ZMAT4: variants seen among roughly 807,000 people sequenced by gnomAD.
ZMAT4 encodes the protein zinc finger matrin-type protein 4.
A neutral mutation model predicts 28.7 loss-of-function variants in ZMAT4; 17 were observed. The observed-to-expected ratio is 0.59, with a 90% confidence interval of 0.41 to 0.89. The LOEUF (loss-of-function observed/expected upper bound fraction) is 0.89. ZMAT4 is among the 40% of genes least tolerant of loss of function. ZMAT4 has a pLI of 0.00. For synonymous variants in ZMAT4, 117 were observed against 109.2 expected (o/e 1.07, Z -0.44); for missense variants, 240 against 283.8 (o/e 0.85, Z 1.11).
intron 3 of ZMAT4, among the ~76,000 whole-genome samples, chr8:40,751,651 G>A (rs990632427): frequency 1.2e-4 from 18 of 151,866 alleles, no homozygotes; most frequent in African/African-American, 4.1e-4. Flanking sequence ...CTGAACTAAC[G>A]GGCCTGATGT....
At chr8:40,754,930 G>T (rs1421396087) in intron 3 of ZMAT4, among the ~76,000 whole-genome samples, 1 of 152,100 alleles carries the variant, frequency 6.6e-6, no homozygotes, top group Non-Finnish European at 1.5e-5. Context: ...GACTCAGGTG[G>T]GAGGATCACT....
chr8:40,565,160 C>A (rs772632551), intron 6 of ZMAT4, among the ~76,000 whole-genome samples: 2 of 152,246 alleles, frequency 1.3e-5, no homozygotes, highest in East Asian at 3.9e-4. Flanking sequence ...AAGTTTTAAA[C>A]CCTGGTTTCT....
intron 3 of ZMAT4, among the ~76,000 whole-genome samples, chr8:40,756,245 A>C (rs914576138): frequency 1.3e-5 from 2 of 151,866 alleles, no homozygotes; most frequent in Admixed American, 1.3e-4. Flanking sequence ...AAAAGTCCAA[A>C]GTCTGTGTTC....
intron 5 of ZMAT4, among the ~76,000 whole-genome samples, chr8:40,598,241 G>C (rs1267525415): frequency 1.3e-5 from 2 of 152,174 alleles, no homozygotes; most frequent in East Asian, 3.9e-4. Flanking sequence ...TACATGTGCA[G>C]AATGTGCAGG....
At chr8:40,886,898 G>T (rs111343292) in intron 1 of ZMAT4, among the ~76,000 whole-genome samples, 1 of 152,150 alleles carries the variant, frequency 6.6e-6, no homozygotes, top group Non-Finnish European at 1.5e-5. Flanking sequence ...GAGGTAGGGC[G>T]CAGTGGCTCA....
intron 6 of ZMAT4, among the ~76,000 whole-genome samples, chr8:40,553,713 A>G (rs1803437705): frequency 6.6e-6 from 1 of 152,178 alleles, no homozygotes; most frequent in South Asian, 2.1e-4. Context: ...TAGATAATGA[A>G]TGATATGGAT....
intron 3 of ZMAT4, among the ~76,000 whole-genome samples, chr8:40,744,225 C>T (rs1468879682): frequency 6.6e-6 from 1 of 152,140 alleles, no homozygotes; most frequent in African/African-American, 2.4e-5. Context: ...CTTCACAGAT[C>T]ATGACTACTG....
intron 3 of ZMAT4, among the ~76,000 whole-genome samples, chr8:40,743,608 A>G (rs1812101529): frequency 6.6e-6 from 1 of 152,232 alleles, no homozygotes. Flanking sequence ...ACAGCGGACT[A>G]ATAGAATCCC....
intron 6 of ZMAT4, among the ~76,000 whole-genome samples, chr8:40,552,698 G>A (rs1803401735): frequency 6.6e-6 from 1 of 152,148 alleles, no homozygotes; most frequent in South Asian, 2.1e-4. Context: ...CCTATATTAA[G>A]TGTGTCATCA....
At chr8:40,801,354 A>ATATATATATATG (rs1185284604) in intron 2 of ZMAT4, among the ~76,000 whole-genome samples, 1,509 of 59,516 alleles carry the variant, frequency 0.025, 12 homozygotes, top group Middle Eastern at 0.09. Context: ...AAAAAAAAAT[A>ATATATATATATG]TATATATATA....
At chr8:40,606,830 G>A (rs1805607739) in intron 5 of ZMAT4, among the ~76,000 whole-genome samples, 1 of 152,130 alleles carries the variant, frequency 6.6e-6, no homozygotes, top group East Asian at 1.9e-4. Flanking sequence ...TCTTCATAGG[G>A]AACACCAATA....
chr8:40,688,380 C>T (rs1447905044), intron 4 of ZMAT4, among the ~76,000 whole-genome samples: 2 of 152,148 alleles, frequency 1.3e-5, no homozygotes, highest in African/African-American at 4.8e-5. Context: ...TGCTTGAACC[C>T]AGGAAGCAGA....
intron 2 of ZMAT4, among the ~76,000 whole-genome samples, chr8:40,790,961 G>C (rs766317312): frequency 6.6e-6 from 1 of 152,198 alleles, no homozygotes; most frequent in Non-Finnish European, 1.5e-5. Flanking sequence ...ACAGAACACA[G>C]TGGCCAGAAA....
chr8:40,857,398 G>A (rs1336967412), intron 1 of ZMAT4, among the ~76,000 whole-genome samples: 1 of 151,726 alleles, frequency 6.6e-6, no homozygotes, highest in African/African-American at 2.4e-5. Flanking sequence ...CAGAAAAGAT[G>A]GGTCTAAGAG....
At chr8:40,836,923 G>T (rs894180357) in intron 1 of ZMAT4, among the ~76,000 whole-genome samples, 1 of 152,146 alleles carries the variant, frequency 6.6e-6, no homozygotes, top group Non-Finnish European at 1.5e-5. Context: ...TAGATAAATA[G>T]ATAGAAACAT....
At chr8:40,820,707 G>A (rs1357430927) in intron 2 of ZMAT4, among the ~76,000 whole-genome samples, 1 of 1,956 alleles carries the variant, frequency 5.1e-4, no homozygotes. Flanking sequence ...ATGTTTATGT[G>A]TGTATGGGTA....
At chr8:40,855,585 T>C (rs1199507712) in intron 1 of ZMAT4, among the ~76,000 whole-genome samples, 1 of 152,138 alleles carries the variant, frequency 6.6e-6, no homozygotes, top group African/African-American at 2.4e-5. Context: ...GTGACAAATC[T>C]TGGTGACAGT....
At chr8:40,653,581 G>A (rs1807783072) in intron 5 of ZMAT4, among the ~76,000 whole-genome samples, 1 of 152,030 alleles carries the variant, frequency 6.6e-6, no homozygotes, top group South Asian at 2.1e-4. Context: ...CATCACTAAT[G>A]ATCTTACTAA....
intron 1 of ZMAT4, among the ~76,000 whole-genome samples, chr8:40,850,301 C>A (rs544192688): frequency 6.6e-6 from 1 of 152,252 alleles, no homozygotes; most frequent in African/African-American, 2.4e-5. Context: ...TAGCCTCCCC[C>A]GCCACTCACT....
Sources: allele counts gnomAD v4.1 joint callset (sites outside exome capture counted in the v4.1 genomes callset), GRCh38; gene constraint gnomAD v4.1.1; transcripts MANE v1.5; gene names NCBI Gene and HGNC (gene_info 2026-07-23, HGNC 2026-07-21).